The following SRGAP3 variants were observed in gnomAD, a reference collection of about 807,000 sequenced individuals.
SRGAP3 encodes the protein SLIT-ROBO Rho GTPase-activating protein 3.
SRGAP3 carries 39 observed loss-of-function variants against 121.1 expected under a neutral mutation model. That is an observed-to-expected ratio of 0.32 (90% CI 0.25 to 0.42). The LOEUF (loss-of-function observed/expected upper bound fraction) is 0.42. Ranked by LOEUF, SRGAP3 falls within the 10% of genes least tolerant of loss-of-function variation. The pLI is 1.00. For synonymous variants in SRGAP3, 601 were observed against 570.0 expected, an observed-to-expected ratio of 1.05 and a Z score of -0.77; for missense variants, 1,213 against 1,470.6, an observed-to-expected ratio of 0.82 and a Z score of 2.86.
chr3:9,087,976 T>C (rs1480126764), intron 3 of SRGAP3, among the ~76,000 whole-genome samples: 1 of 152,192 alleles, frequency 6.6e-6, no homozygotes, highest in Non-Finnish European at 1.5e-5. Context: ...AATACTCAAT[T>C]GCACAAGACT....
intron 1 of SRGAP3, 42 bp downstream of exon 1, chr3:9,248,843 G>A (rs2125248329): frequency 1.2e-6 from 2 of 1,601,476 alleles, no homozygotes; most frequent in East Asian, 2.2e-5. Context: ...AGAGAAAAAC[G>A]AAAGGGGAGG....
chr3:9,268,426 T>C (rs1456124210), intron 3 of SRGAP3, among the ~76,000 whole-genome samples: 1 of 152,040 alleles, frequency 6.6e-6, no homozygotes, highest in South Asian at 2.1e-4. Flanking sequence ...CACCAGAACC[T>C]AGCTGGCCTC....
chr3:9,360,911 C>T (rs2030763241), intron 1 of SRGAP3, among the ~76,000 whole-genome samples: 1 of 152,148 alleles, frequency 6.6e-6, no homozygotes, highest in Non-Finnish European at 1.5e-5. Flanking sequence ...TGTATAAGTG[C>T]TCCATTGCCC....
At chr3:9,212,378 G>C (rs1348104485) in intron 1 of SRGAP3, among the ~76,000 whole-genome samples, 1 of 152,206 alleles carries the variant, frequency 6.6e-6, no homozygotes, top group East Asian at 1.9e-4. Context: ...CAGGGGCTGA[G>C]ATCAGCTCAG....
At chr3:9,185,027 A>G (rs186113063) in intron 1 of SRGAP3, among the ~76,000 whole-genome samples, 2 of 152,224 alleles carry the variant, frequency 1.3e-5, no homozygotes, top group East Asian at 3.9e-4. Flanking sequence ...CTAGTTCAAG[A>G]CCAGCCTGGC....
chr3:9,084,073 C>A (rs1026470327), intron 3 of SRGAP3, among the ~76,000 whole-genome samples: 8 of 152,150 alleles, frequency 5.3e-5, no homozygotes, highest in African/African-American at 1.7e-4. Context: ...AACTGGATAC[C>A]TAGGAGTTCT....
rs1949067654 is a variant in SRGAP3, at chr3:9,122,888, G to A, written c.260+1837C>T. On this transcript the variant is annotated intron_variant, in intron 2 of 21. Transcript: ENST00000383836. ...GGAGTTTAAAGGCAGAGAGCTCCCT[G>A]GCCAGAGTGGAATGCAAAAAATGTG... Among the ~76,000 whole-genome samples, 6 of 152,238 alleles carry A rather than the reference G, an allele frequency of 3.9e-5. No individual in the cohort carries two copies. In the South Asian group the frequency reaches 1.2e-3, roughly 32 times the overall value.
chr3:9,162,403 T>A (rs1422295210), intron 1 of SRGAP3, among the ~76,000 whole-genome samples: 1 of 151,732 alleles, frequency 6.6e-6, no homozygotes, highest in Non-Finnish European at 1.5e-5. Flanking sequence ...TTTACACACC[T>A]CCCCCCAAGA....
At chr3:9,169,912 T>C (rs1575178426) in intron 1 of SRGAP3, among the ~76,000 whole-genome samples, 1 of 152,168 alleles carries the variant, frequency 6.6e-6, no homozygotes, top group Admixed American at 6.5e-5. Flanking sequence ...CATGGTCCCC[T>C]TTCCTGAGCC....
At chr3:9,110,416 G>C (rs549873473) in intron 2 of SRGAP3, among the ~76,000 whole-genome samples, 3 of 152,210 alleles carry the variant, frequency 2.0e-5, no homozygotes, top group South Asian at 2.1e-4. Context: ...CAAGGAGTTG[G>C]ATGCTATTTA....
upstream of SRGAP3, among the ~76,000 whole-genome samples, chr3:9,251,667 C>T (rs190432814): frequency 6.6e-5 from 10 of 152,236 alleles, no homozygotes; most frequent in Admixed American, 2.0e-4. Context: ...TTTAAATCCA[C>T]AAATAGTTCT....
chr3:9,051,605 C>T (rs1032424491), intron 9 of SRGAP3, among the ~76,000 whole-genome samples: 6 of 151,588 alleles, frequency 4.0e-5, no homozygotes, highest in Non-Finnish European at 8.8e-5. Flanking sequence ...ACAGCTATAA[C>T]TGATAATAAC....
intron 1 of SRGAP3, among the ~76,000 whole-genome samples, chr3:9,196,147 G>A (rs1452782977): frequency 6.6e-6 from 1 of 152,220 alleles, no homozygotes; most frequent in East Asian, 1.9e-4. Context: ...CAGACGGAGA[G>A]AGCAGTTTAA....
chr3:9,361,368 C>G (rs538348353), intron 1 of SRGAP3, among the ~76,000 whole-genome samples: 2 of 152,044 alleles, frequency 1.3e-5, no homozygotes, highest in African/African-American at 4.8e-5. Context: ...CCTCCCAAAG[C>G]GCTGGGACTA....
chr3:9,070,881 C>T (rs1946673981), intron 4 of SRGAP3, among the ~76,000 whole-genome samples: 2 of 152,126 alleles, frequency 1.3e-5, no homozygotes, highest in Admixed American at 1.3e-4. Context: ...AGTAGAGATA[C>T]AGGCAATTAC....
chr3:9,004,662 T>A (rs1379387626), intron 18 of SRGAP3, among the ~76,000 whole-genome samples: 1 of 152,172 alleles, frequency 6.6e-6, no homozygotes, highest in African/African-American at 2.4e-5. Flanking sequence ...GCTAAGACCA[T>A]TCAATGTGGA....
At chr3:9,211,641 A>G (rs1335175153) in intron 1 of SRGAP3, among the ~76,000 whole-genome samples, 2 of 150,120 alleles carry the variant, frequency 1.3e-5, no homozygotes, top group Non-Finnish European at 3.0e-5. Flanking sequence ...GACCTGATGG[A>G]TGTGCCTGAC....
chr3:9,086,833 T>C (rs972286520), intron 3 of SRGAP3, among the ~76,000 whole-genome samples: 5 of 149,814 alleles, frequency 3.3e-5, no homozygotes, highest in African/African-American at 1.2e-4. Flanking sequence ...ATAGGTATAG[T>C]ACATATGTAT....
chr3:8,986,070 T>C (rs1324072047), intron 21 of SRGAP3, 138 bp from the exon 22 acceptor site: 3 of 1,515,754 alleles, frequency 2.0e-6, no homozygotes, highest in African/African-American at 2.8e-5. Flanking sequence ...CCTCAGGATG[T>C]CTTATAACCA....
Sources: gnomAD v4.1 joint callset for allele counts (sites outside exome capture counted in the v4.1 genomes callset) on GRCh38, gnomAD v4.1.1 for gene constraint, MANE v1.5 for transcripts, NCBI Gene and HGNC (gene_info 2026-07-23, HGNC 2026-07-21) for gene names.